KIRREL3: variants seen among roughly 807,000 people sequenced by gnomAD.
KIRREL3 encodes kin of IRRE-like protein 3.
KIRREL3 carries 36 observed loss-of-function variants against 89.7 expected under a neutral mutation model. That is an observed-to-expected ratio of 0.40 (90% CI 0.31 to 0.53). The LOEUF is 0.53. Among genes scored for constraint, KIRREL3 ranks in the 20% least tolerant of loss-of-function variants. The pLI is 0.49. For synonymous variants in KIRREL3, 445 were observed against 441.4 expected (o/e 1.01, Z -0.10); for missense variants, 864 against 1,056.6 (o/e 0.82, Z 2.53).
In KIRREL3 at chr11:126,486,130, G is replaced by A. The variant is rs1004481611; in HGVS notation, c.434-12664C>T. Among the ~76,000 whole-genome samples, 3 of 152,216 alleles carry A rather than the reference G, an allele frequency of 2.0e-5. No homozygotes were observed. The highest frequency in any genetic ancestry group is 7.2e-5 in the African/African-American group (3 of 41,452). On this transcript the variant is annotated intron_variant, in intron 4 of 16. Transcript: ENST00000525144. This position sits in a 1 kb window ranked among gnomAD's most constrained non-coding sequence, Gnocchi z 6.2. ...GTAAGTCTCAGGCTGTATGCAGAGT[G>A]GAGGAAGGGAGGTGGGTAGAGAAGG...
intron 1 of KIRREL3, among the ~76,000 whole-genome samples, chr11:126,630,375 G>A (rs1943968267): frequency 1.3e-5 from 2 of 152,148 alleles, no homozygotes; most frequent in Admixed American, 6.5e-5. Flanking sequence ...TAAGAGGCAC[G>A]TTCTCTTCAA....
chr11:126,630,686 T>TA (rs747703337), intron 1 of KIRREL3, among the ~76,000 whole-genome samples: 1 of 152,306 alleles, frequency 6.6e-6, no homozygotes, highest in Non-Finnish European at 1.5e-5. Flanking sequence ...CTCCTGCTTG[T>TA]GCCTCAGGGC....
chr11:126,668,741 CTTTCTTTCTTT>C lies in KIRREL3; in HGVS notation c.56-105840_56-105830del, dbSNP rs1945797368. On this transcript the variant is annotated intron_variant, in intron 1 of 16. Transcript: ENST00000525144. The surrounding 1 kb of genome is among the most constrained non-coding windows in gnomAD (Gnocchi z 4.4). Reference sequence around the variant, plus strand: ...TCTTTCTTTCTTTCTTTCTTTCTTTCTTTCTTTCTTTCTTTTTTCTCTTTCTTTCTTTCAAA... The same window carrying C: ...TCTTTCTTTCTTTCTTTCTTTCTTTCCTTTTTTCTCTTTCTTTCTTTCAAA... Among the ~76,000 whole-genome samples, 1 of 130,808 alleles carries C rather than the reference CTTTCTTTCTTT, an allele frequency of 7.6e-6. No individual in the cohort carries two copies. Among genetic ancestry groups the C allele is most frequent in the African/African-American group, 2.8e-5 (1 of 36,124 alleles). 85.8% of individuals were successfully genotyped at this position (130,808 alleles called of 152,430 possible).
chr11:126,778,881 T>A lies in KIRREL3; in HGVS notation c.56-215969A>T, dbSNP rs1950243928. ...TATTTTATAGTCTACCAGGTAAATG[T>A]ACGCAGTTTTGGTAAGATGAGCTAT... On this transcript the variant is annotated intron_variant, in intron 1 of 16. Transcript: ENST00000525144. The surrounding 1 kb of genome is among the most constrained non-coding windows in gnomAD (Gnocchi z 4.5). Among the ~76,000 whole-genome samples the A allele has an allele frequency of 6.6e-6, 1 of 152,240 alleles. No homozygotes were observed. Among genetic ancestry groups the A allele is most frequent in the South Asian group, 2.1e-4 (1 of 4,836 alleles).
At chr11:126,451,358 GAGTGTGA>G (rs1956138455) in intron 7 of KIRREL3, among the ~76,000 whole-genome samples, 3 of 85,756 alleles carry the variant, frequency 3.5e-5, no homozygotes, top group Non-Finnish European at 4.5e-5. Flanking sequence ...GTGCGTATGT[GAGTGTGA>G]CTATGTGTGA....
intron 1 of KIRREL3, among the ~76,000 whole-genome samples, chr11:126,829,297 A>T (rs952003124): frequency 6.6e-6 from 1 of 152,258 alleles, no homozygotes; most frequent in African/African-American, 2.4e-5. Context: ...TCTGCATCTC[A>T]TAAAAGGTAA....
At chr11:126,469,588 G>A (rs1458125224) in intron 5 of KIRREL3, among the ~76,000 whole-genome samples, 1 of 152,200 alleles carries the variant, frequency 6.6e-6, no homozygotes, top group Non-Finnish European at 1.5e-5. Context: ...CTCCCTGCCC[G>A]GCACACAGCC....
rs1944226737 is a variant in KIRREL3 at position 126,635,453 on chromosome 11, G to A, written c.56-72541C>T. Among the ~76,000 whole-genome samples, 2 of 152,202 alleles carry A rather than the reference G, an allele frequency of 1.3e-5. No individual in the cohort carries two copies. Among genetic ancestry groups the A allele is most frequent in the East Asian group, 3.8e-4 (2 of 5,198 alleles). Reference sequence around the variant, plus strand: ...GCTGGGCTGGTTGGCTGGCTCCAAGGCCCTCAGCACCTCTGGGCTTCTGAG... The same window carrying A: ...GCTGGGCTGGTTGGCTGGCTCCAAGACCCTCAGCACCTCTGGGCTTCTGAG... On this transcript the variant is annotated intron_variant, in intron 1 of 16. Coordinates refer to ENST00000525144, the MANE Select transcript of KIRREL3 (RefSeq NM_032531.4). The surrounding 1 kb of genome is among the most constrained non-coding windows in gnomAD (Gnocchi z 4.0).
At chr11:126,692,777 G>C (rs1202212877) in intron 1 of KIRREL3, among the ~76,000 whole-genome samples, 1 of 152,192 alleles carries the variant, frequency 6.6e-6, no homozygotes, top group African/African-American at 2.4e-5. Context: ...ATCTATGAGG[G>C]TCTAACATGG....
At chr11:126,532,783 T>C (rs1272709684) in intron 2 of KIRREL3, among the ~76,000 whole-genome samples, 1 of 152,174 alleles carries the variant, frequency 6.6e-6, no homozygotes, top group Non-Finnish European at 1.5e-5. Flanking sequence ...TCAGTAACAC[T>C]GAAACGGTTG....
At chr11:126,863,100 G>A (rs1055189204) in intron 1 of KIRREL3, among the ~76,000 whole-genome samples, 3 of 152,252 alleles carry the variant, frequency 2.0e-5, no homozygotes, top group Non-Finnish European at 4.4e-5. Context: ...ACCTCCTGCT[G>A]ATGGCTGGCT....
At position 126,459,235 on chromosome 11, in the gene KIRREL3, C is replaced by T. The variant is rs1312234501; in HGVS notation, c.743-2781G>A. ...GCTGTTCCAGGAGGCCCTTCCCTCA[C>T]CTGGGGGTCTTTTCTAAAGTGATGA... is the stretch of plus-strand genomic sequence containing the variant. On this transcript the variant is annotated intron_variant, in intron 6 of 16. Coordinates refer to ENST00000525144, the MANE Select transcript of KIRREL3 (RefSeq NM_032531.4). The surrounding 1 kb of genome is among the most constrained non-coding windows in gnomAD (Gnocchi z 4.8). Among the ~76,000 whole-genome samples, 3 of 152,264 alleles carry T rather than the reference C, an allele frequency of 2.0e-5. No individual in the cohort carries two copies. The highest frequency in any genetic ancestry group is 3.9e-4 in the East Asian group (2 of 5,170).
chr11:126,717,402 C>G (rs1356804253), intron 1 of KIRREL3, among the ~76,000 whole-genome samples: 1 of 152,200 alleles, frequency 6.6e-6, no homozygotes, highest in Non-Finnish European at 1.5e-5. Context: ...GTACAAGTGG[C>G]TATGTGAACC....
At position 126,776,345 on chromosome 11, in the gene KIRREL3, C is replaced by T. The variant is rs1354093553; in HGVS notation, c.56-213433G>A. On this transcript the variant is annotated intron_variant, in intron 1 of 16. Transcript: ENST00000525144. The surrounding 1 kb of genome is among the most constrained non-coding windows in gnomAD (Gnocchi z 4.7). ...GGGAACACTAGCCTGAGAGTCAAAACACCTGGGCTTCAGGTCTGTCTTACG... is the reference window on the plus strand; with the variant it reads ...GGGAACACTAGCCTGAGAGTCAAAATACCTGGGCTTCAGGTCTGTCTTACG... Among the ~76,000 whole-genome samples the T allele has an allele frequency of 6.6e-6, 1 of 152,222 alleles. No individual in the cohort carries two copies. Among genetic ancestry groups the T allele is most frequent in the African/African-American group, 2.4e-5 (1 of 41,452 alleles).
chr11:126,634,616 G>A (rs1944188085), intron 1 of KIRREL3, among the ~76,000 whole-genome samples: 2 of 152,106 alleles, frequency 1.3e-5, no homozygotes, highest in African/African-American at 4.8e-5. Flanking sequence ...AGGGTTTAAG[G>A]TTTGCCTTTT....
Position 126,568,022 on chromosome 11 carries a change from C to T in KIRREL3, c.56-5110G>A, listed in dbSNP as rs1417554941. ...CTTGCTGAAGACTAACCCCTTCCCACCTGAAGCTAGTAGACTCGAGCACGT... is the reference window on the plus strand; with the variant it reads ...CTTGCTGAAGACTAACCCCTTCCCATCTGAAGCTAGTAGACTCGAGCACGT... On this transcript the variant is annotated intron_variant, in intron 1 of 16. Coordinates refer to ENST00000525144, the MANE Select transcript of KIRREL3 (RefSeq NM_032531.4). This position sits in a 1 kb window ranked among gnomAD's most constrained non-coding sequence, Gnocchi z 4.6. Among the ~76,000 whole-genome samples, 3 of 152,118 alleles carry T rather than the reference C, an allele frequency of 2.0e-5. No homozygotes were observed. Among genetic ancestry groups the T allele is most frequent in the Non-Finnish European group, 2.9e-5 (2 of 68,004 alleles).
chr11:126,937,632 G>A (rs1053330243), intron 1 of KIRREL3, among the ~76,000 whole-genome samples: 3 of 152,220 alleles, frequency 2.0e-5, no homozygotes, highest in Non-Finnish European at 4.4e-5. Flanking sequence ...CGGGCGTGGT[G>A]GCTCATGCCT....
intron 1 of KIRREL3, among the ~76,000 whole-genome samples, chr11:126,949,896 T>C (rs527824412): frequency 2.5e-4 from 38 of 152,302 alleles, no homozygotes; most frequent in African/African-American, 8.9e-4. Flanking sequence ...CACATCGAGT[T>C]CTCCACTGTG....
chr11:126,555,742 G>A lies in KIRREL3; in HGVS notation c.133+7093C>T, dbSNP rs912131705. Among the ~76,000 whole-genome samples, 1 of 70,618 alleles carries A rather than the reference G, an allele frequency of 1.4e-5. No individual in the cohort carries two copies. Among genetic ancestry groups the A allele is most frequent in the Non-Finnish European group, 3.1e-5 (1 of 32,786 alleles). The allele number at this position is 70,618 out of a possible 152,430, so 46.3% of individuals were successfully genotyped here. On this transcript the variant is annotated intron_variant, in intron 2 of 16. Transcript: ENST00000525144. The surrounding 1 kb of genome is among the most constrained non-coding windows in gnomAD (Gnocchi z 4.2). ...CTTGTAGAACATGCTAACAATGTGA[G>A]CATTTTTTTTTTTTTTGAGACGGAG...
Sources: allele counts gnomAD v4.1 joint callset (sites outside exome capture counted in the v4.1 genomes callset), GRCh38; gene constraint gnomAD v4.1.1; non-coding constraint Gnocchi (gnomAD v3.1); transcripts MANE v1.5; gene names NCBI Gene and HGNC (gene_info 2026-07-23, HGNC 2026-07-21).